Variants in GPR132 observed in about 807,000 individuals in gnomAD.
GPR132 encodes G protein-coupled receptor 132, also known as probable G protein-coupled receptor 132.
Under a neutral mutation model 1.9 loss-of-function variants are expected in GPR132, and 4 were observed. That is an observed-to-expected ratio of 2.13 (90% CI 1.05 to 4.87). The LOEUF (loss-of-function observed/expected upper bound fraction) is 4.87. Among genes scored for constraint, GPR132 ranks in the 30% most tolerant of loss-of-function variants. GPR132 has a pLI of 0.01. For missense variants in GPR132, 404 were observed against 512.5 expected, an observed-to-expected ratio of 0.79 and a Z score of 2.04; for synonymous variants, 233 against 234.2, an observed-to-expected ratio of 0.99 and a Z score of 0.05.
rs181590587 is a variant in GPR132 at position 105,051,359 on chromosome 14, G to C, written c.778C>G (p.Leu260Val). 1,574 of 1,614,106 alleles carry C rather than the reference G, an allele frequency of 9.8e-4. 3 individuals are homozygous for C. The highest frequency in any genetic ancestry group is 1.2e-3 in the Non-Finnish European group (1,446 of 1,179,916). The change falls in exon 4 of 4, where the codon CTG becomes GTG. Residue 260 changes from leucine (L) to valine (V), a missense_variant. Transcript: ENST00000329797. The surrounding 1 kb of genome is among the most constrained non-coding windows in gnomAD (Gnocchi z 8.0). Reference protein sequence around the residue: ...IFLVCFAPYHLVLLVKAAAFS... With the variant: ...IFLVCFAPYHVVLLVKAAAFS... ...GCAGCGGCTTTGACGAGGAGAACCAGGTGGTACGGGGCGAAGCAGACTAGG... is the reference window on the plus strand; with the variant it reads ...GCAGCGGCTTTGACGAGGAGAACCACGTGGTACGGGGCGAAGCAGACTAGG...
chr14:105,052,129 C>T (rs199605763), intron 3 of GPR132, 27 bp from the exon 4 acceptor site: 12 of 1,519,320 alleles, frequency 7.9e-6, no homozygotes, highest in East Asian at 4.5e-5. Flanking sequence ...AGAGTGAGGA[C>T]GGGAGTCCCT....
Position 105,056,007 on chromosome 14 carries a change from G to T in GPR132, c.-587C>A. On this transcript the variant is annotated 5_prime_UTR_variant, in exon 3 of 4. In the 5' UTR this introduces an upstream ATG that the reference lacks. Coordinates refer to ENST00000329797, the MANE Select transcript of GPR132 (RefSeq NM_013345.4). This position sits in a 1 kb window ranked among gnomAD's most constrained non-coding sequence, Gnocchi z 6.0. ...GTTGGCATTGCTGGATCTCACGGCAGTTCCGTCTCATCTCGTGGGGTGCCT... is the reference window on the plus strand; with the variant it reads ...GTTGGCATTGCTGGATCTCACGGCATTTCCGTCTCATCTCGTGGGGTGCCT... The T allele has an allele frequency of 3.3e-6, 1 of 305,568 alleles. No homozygotes were observed. The highest frequency in any genetic ancestry group is 4.8e-6 in the Non-Finnish European group (1 of 207,986). 18.9% of individuals were successfully genotyped at this position (305,568 alleles called of 1,614,324 possible). A position where few individuals can be genotyped will look rare whatever the true frequency, so the allele number is the denominator to read the frequency against.
Position 105,050,837 on chromosome 14 carries a change from G to C in GPR132, c.*157C>G, listed in dbSNP as rs950564954. 4 of 690,812 alleles carry C rather than the reference G, an allele frequency of 5.8e-6. No individual in the cohort carries two copies. In the African/African-American group the frequency reaches 7.2e-5, roughly 12 times the overall value. 42.8% of individuals were successfully genotyped at this position (690,812 alleles called of 1,614,324 possible). ...CCACCTTCCATGTGGGAAAGCCTGG[G>C]GCCAGTGGTCACGGAGGGAGTGGCT... On this transcript the variant is annotated 3_prime_UTR_variant, in exon 4 of 4. Coordinates refer to ENST00000329797, the MANE Select transcript of GPR132 (RefSeq NM_013345.4). This position sits in a 1 kb window ranked among gnomAD's most constrained non-coding sequence, Gnocchi z 4.0.
At chr14:105,062,540 C>CT (rs59869492) in intron 1 of GPR132, among the ~76,000 whole-genome samples, 2,672 of 128,648 alleles carry the variant, frequency 0.021, 63 homozygotes, top group African/African-American at 0.038. Flanking sequence ...CTTTTCTTTT[C>CT]TTTTTTTTTT....
chr14:105,065,066 C>T lies in GPR132; in HGVS notation c.-861+313G>A, dbSNP rs552738700. On this transcript the variant is annotated intron_variant, in intron 1 of 3. Transcript: ENST00000329797. ...GTCCAGCCCCCTGACTCACCCCCAT[C>T]TGGACCAGTAGCCAGGGAAGCCTTT... Among the ~76,000 whole-genome samples the T allele has an allele frequency of 7.2e-5, 11 of 152,278 alleles. No individual in the cohort carries two copies. In the South Asian group the frequency reaches 2.3e-3, roughly 32 times the overall value.
intron 1 of GPR132, 120 bp from the exon 2 acceptor site, chr14:105,057,400 G>GTTT (rs1886824692): frequency 2.1e-6 from 1 of 467,900 alleles, no homozygotes; most frequent in Non-Finnish European, 3.8e-6. Context: ...ATTCGTAGGT[G>GTTT]TTTTTTAAAT....
chr14:105,050,630 T>G lies in GPR132; in HGVS notation c.*364A>C. 3.5e-6 allele frequency: 1 copy of G among 282,570 alleles called. No individual in the cohort carries two copies. Among genetic ancestry groups the G allele is most frequent in the Non-Finnish European group, 6.8e-6 (1 of 147,762 alleles). 17.5% of individuals were successfully genotyped at this position (282,570 alleles called of 1,614,324 possible). ...AACGCTTGCAGAAATGCTCCGCAAA[T>G]AAAGTCATCGCCACTGATGCGAACA... On this transcript the variant is annotated 3_prime_UTR_variant, in exon 4 of 4. Transcript: ENST00000329797. This position sits in a 1 kb window ranked among gnomAD's most constrained non-coding sequence, Gnocchi z 4.0.
At chr14:105,054,038 G>A (rs1447806345) in intron 3 of GPR132, 15 of 1,287,172 alleles carry the variant, frequency 1.2e-5, no homozygotes, top group South Asian at 3.7e-5. Flanking sequence ...CTCTGCCAGC[G>A]CCACCAGCTC....
At chr14:105,062,540 CTTTTTTTT>C (rs59869492) in intron 1 of GPR132, among the ~76,000 whole-genome samples, 3 of 128,684 alleles carry the variant, frequency 2.3e-5, no homozygotes, top group Non-Finnish European at 4.9e-5. Context: ...CTTTTCTTTT[CTTTTTTTT>C]TTTTTTTTTT....
rs2140934890 is a variant in GPR132, at chr14:105,060,071, T to C, written c.-860-2791A>G. On this transcript the variant is annotated intron_variant, in intron 1 of 3. Coordinates refer to ENST00000329797, the MANE Select transcript of GPR132 (RefSeq NM_013345.4). The surrounding 1 kb of genome is among the most constrained non-coding windows in gnomAD (Gnocchi z 6.3). ...GCCACTGGCTGGAGTAAGTATGCAC[T>C]GCTCCCTGCATCTCGGGCCAGCCCC... Among the ~76,000 whole-genome samples the C allele has an allele frequency of 6.6e-6, 1 of 152,324 alleles. No homozygotes were observed. The highest frequency in any genetic ancestry group is 1.5e-5 in the Non-Finnish European group (1 of 68,014).
At chr14:105,061,193 C>T (rs1324369468) in intron 1 of GPR132, among the ~76,000 whole-genome samples, 1 of 152,272 alleles carries the variant, frequency 6.6e-6, no homozygotes, top group African/African-American at 2.4e-5. Context: ...GCACCGAGGT[C>T]CAGCTCCTCA....
Position 105,051,585 on chromosome 14 carries a change from C to G in GPR132, c.552G>C (p.Glu184Asp), listed in dbSNP as rs1382258708. 1.9e-6 allele frequency: 3 copies of G among 1,613,936 alleles called. No homozygotes were observed. Among genetic ancestry groups the G allele is most frequent in the Admixed American group, 3.3e-5 (2 of 60,002 alleles). The change falls in exon 4 of 4, where the codon GAG (glutamate) becomes GAC (aspartate). Residue 184 changes from glutamate (E) to aspartate (D), a missense_variant. By Grantham distance (45) the Glu-to-Asp change is conservative. Transcript: ENST00000329797. This position sits in a 1 kb window ranked among gnomAD's most constrained non-coding sequence, Gnocchi z 8.0. ...HYPVFQTEDK[E>D]TCFDMLQMDS... ...CCATCTGCAGCATGTCAAAGCAGGT[C>G]TCCTTGTCTTCCGTCTGGAACACCG...
At chr14:105,062,692 C>A (rs1214695014) in intron 1 of GPR132, among the ~76,000 whole-genome samples, 1 of 151,590 alleles carries the variant, frequency 6.6e-6, no homozygotes, top group East Asian at 1.9e-4. Flanking sequence ...AGGCACACCA[C>A]CACGTCCAGC....
chr14:105,051,261 C>T lies in GPR132; in HGVS notation c.876G>A (p.Val292=). 1 of 1,613,534 alleles carries T rather than the reference C, an allele frequency of 6.2e-7. No individual in the cohort carries two copies. The highest frequency in any genetic ancestry group is 8.5e-7 in the Non-Finnish European group (1 of 1,179,476). ...LEERLYTASV[V]FLCLSTVNGV... Reference sequence around the variant, plus strand: ...CGTTCACCGTGGACAGGCACAGAAACACCACAGAGGCTGTGTACAGCCTTT... The same window carrying T: ...CGTTCACCGTGGACAGGCACAGAAATACCACAGAGGCTGTGTACAGCCTTT... The change falls in exon 4 of 4, where the codon GTG becomes GTA. Residue 292 remains valine, a synonymous_variant. Coordinates refer to ENST00000329797, the MANE Select transcript of GPR132 (RefSeq NM_013345.4). The surrounding 1 kb of genome is among the most constrained non-coding windows in gnomAD (Gnocchi z 8.0).
Position 105,051,622 on chromosome 14 carries a change from A to G in GPR132, c.515T>C (p.Ile172Thr). The G allele has an allele frequency of 6.2e-7, 1 of 1,613,984 alleles. No homozygotes were observed. Among genetic ancestry groups the G allele is most frequent in the Non-Finnish European group, 8.5e-7 (1 of 1,180,038 alleles). The change falls in exon 4 of 4, where the codon ATC (isoleucine) becomes ACC (threonine). Residue 172 changes from isoleucine (I) to threonine (T), a missense_variant. Ile to Thr is a moderately conservative substitution (Grantham distance 89). Transcript: ENST00000329797. The surrounding 1 kb of genome is among the most constrained non-coding windows in gnomAD (Gnocchi z 8.0). ...CGTCTGGAACACCGGGTAGTGAACG[A>G]TCCCGACGAGGATGAAGATGCAGGC... ...ISACIFILVG[I>T]VHYPVFQTED...
At chr14:105,057,859 T>C (rs1020884695) in intron 1 of GPR132, 1 of 152,078 alleles carries the variant, frequency 6.6e-6, no homozygotes, top group African/African-American at 2.4e-5. Context: ...CAGCTAGATT[T>C]TGTATTTTTA....
intron 1 of GPR132, 139 bp from the exon 2 acceptor site, chr14:105,057,419 T>C (rs1886825133): frequency 2.0e-6 from 1 of 495,620 alleles, no homozygotes; most frequent in South Asian, 3.1e-5. Context: ...ATGTTGAGAA[T>C]CTGCCGTTGC....
At chr14:105,064,849 AC>A (rs1194450001) in intron 1 of GPR132, among the ~76,000 whole-genome samples, 1 of 152,040 alleles carries the variant, frequency 6.6e-6, no homozygotes, top group Non-Finnish European at 1.5e-5. Context: ...AAGGCCGGTG[AC>A]CTGCCCAGCT....
At chr14:105,062,539 T>C (rs1375926060) in intron 1 of GPR132, among the ~76,000 whole-genome samples, 1 of 148,864 alleles carries the variant, frequency 6.7e-6, no homozygotes, top group Non-Finnish European at 1.5e-5. Flanking sequence ...TCTTTTCTTT[T>C]CTTTTTTTTT....
Sources: allele counts gnomAD v4.1 joint callset (sites outside exome capture counted in the v4.1 genomes callset), GRCh38; gene constraint gnomAD v4.1.1; non-coding constraint Gnocchi (gnomAD v3.1); transcripts MANE v1.5; gene names NCBI Gene and HGNC (gene_info 2026-07-23, HGNC 2026-07-21).